The following LGALSL variants were observed in gnomAD, a reference collection of about 807,000 sequenced individuals.
The protein encoded by LGALSL is galectin like, also known as galectin-related protein.
A neutral mutation model predicts 19.5 loss-of-function variants in LGALSL; 13 were observed. The observed-to-expected ratio is 0.67, with a 90% confidence interval of 0.43 to 1.06. The LOEUF (loss-of-function observed/expected upper bound fraction) is 1.06, where lower values mean the gene tolerates loss of function less well. LGALSL is among the 50% of genes least tolerant of loss of function. The pLI is 0.00. For missense variants in LGALSL, 189 were observed against 219.3 expected (o/e 0.86, Z 0.87); for synonymous variants, 86 against 78.3 (o/e 1.10, Z -0.52).
rs1686778595 is a variant in LGALSL at position 64,459,025 on chromosome 2, T to C, written c.*597T>C. 6.6e-6 allele frequency: 1 copy of C among 152,226 alleles called. No individual in the cohort carries two copies. The highest frequency in any genetic ancestry group is 2.1e-4 in the South Asian group (1 of 4,834). 9.4% of individuals were successfully genotyped at this position (152,226 alleles called of 1,614,324 possible). On this transcript the variant is annotated 3_prime_UTR_variant, in exon 5 of 5. Transcript: ENST00000238875. ...CTCAAGAACAGCAAGTTGTAAACTT[T>C]TGAATGTATAAATATCTTAGGTCCA...
intron 3 of LGALSL, 45 bp from the exon 4 acceptor site, chr2:64,456,243 G>A (rs991375087): frequency 4.5e-6 from 7 of 1,560,814 alleles, no homozygotes; most frequent in Non-Finnish European, 6.1e-6. Context: ...ATTTTGAAAT[G>A]TTTTTATATC....
chr2:64,458,776 T>C lies in LGALSL; in HGVS notation c.*348T>C, dbSNP rs1686774813. On this transcript the variant is annotated 3_prime_UTR_variant, in exon 5 of 5. Coordinates refer to ENST00000238875, the MANE Select transcript of LGALSL (RefSeq NM_014181.3). ...TAAAAAGCCAACAACAACGGTACAG[T>C]GAAATCAATGCATTTCTGCACTAAA... is the stretch of plus-strand genomic sequence containing the variant. The C allele has an allele frequency of 5.5e-6, 1 of 182,964 alleles. No homozygotes were observed. Among genetic ancestry groups the C allele is most frequent in the South Asian group, 1.8e-4 (1 of 5,702 alleles). 11.3% of individuals were successfully genotyped at this position (182,964 alleles called of 1,614,324 possible).
Position 64,458,280 on chromosome 2 carries a change from T to TC in LGALSL, c.376-3dup. The TC allele has an allele frequency of 6.2e-7, 1 of 1,613,304 alleles. No homozygotes were observed. Among genetic ancestry groups the TC allele is most frequent in the South Asian group, 1.1e-5 (1 of 90,878 alleles). The stretch of plus-strand genomic sequence containing the variant: ...AATTGTGGATTATTATTTTGTTTCT[T>TC]CCAGGTGGAAATTCTTTGTGAGCAC... On this transcript the variant is annotated splice_region_variant and splice_polypyrimidine_tract_variant and intron_variant, in intron 4 of 4. Coordinates refer to ENST00000238875, the MANE Select transcript of LGALSL (RefSeq NM_014181.3).
rs950053675 is a variant in LGALSL, at chr2:64,459,244, G to A, written c.*816G>A. On this transcript the variant is annotated 3_prime_UTR_variant, in exon 5 of 5. Coordinates refer to ENST00000238875, the MANE Select transcript of LGALSL (RefSeq NM_014181.3). ...GGTTATGTAAAATTCTATTTACATTGCTTTTTCTCCTTACTGGGAATTAGC... is the reference window on the plus strand; with the variant it reads ...GGTTATGTAAAATTCTATTTACATTACTTTTTCTCCTTACTGGGAATTAGC... 6.6e-6 allele frequency: 1 copy of A among 152,080 alleles called. No individual in the cohort carries two copies. Among genetic ancestry groups the A allele is most frequent in the African/African-American group, 2.4e-5 (1 of 41,408 alleles). 9.4% of individuals were successfully genotyped at this position (152,080 alleles called of 1,614,324 possible). A position where few individuals can be genotyped will look rare whatever the true frequency, so the allele number is the denominator to read the frequency against.
intron 1 of LGALSL, 21 bp from the exon 2 acceptor site, chr2:64,455,323 T>C (rs774589110): frequency 1.3e-6 from 2 of 1,577,626 alleles, no homozygotes; most frequent in East Asian, 2.2e-5. Context: ...GGAAAGCCAA[T>C]CTGTGTACTT....
chr2:64,455,253 C>T (rs886291089), intron 1 of LGALSL, 91 bp from the exon 2 acceptor site: 12 of 839,856 alleles, frequency 1.4e-5, no homozygotes, highest in Non-Finnish European at 2.3e-5. Context: ...ATGTGGAAGG[C>T]TGCTGGATTC....
At position 64,460,278 on chromosome 2, in the gene LGALSL, C is replaced by T. The variant is rs1328312594; in HGVS notation, c.*1850C>T. 1 of 152,216 alleles carries T rather than the reference C, an allele frequency of 6.6e-6. No homozygotes were observed. The highest frequency in any genetic ancestry group is 2.1e-4 in the South Asian group (1 of 4,834). The allele number at this position is 152,216 out of a possible 1,614,324, so 9.4% of individuals were successfully genotyped here. A position where few individuals can be genotyped will look rare whatever the true frequency, so the allele number is the denominator to read the frequency against. On this transcript the variant is annotated 3_prime_UTR_variant, in exon 5 of 5. Coordinates refer to ENST00000238875, the MANE Select transcript of LGALSL (RefSeq NM_014181.3). ...ACCAGCCAACTTATTTAACCATATT[C>T]AGCCTGTTCCGTGGGGGCTGTTCTG...
At position 64,454,766 on chromosome 2, in the gene LGALSL, C is replaced by T. The variant is rs1162075591; in HGVS notation, c.36+185C>T. On this transcript the variant is annotated intron_variant, in intron 1 of 4. Transcript: ENST00000238875. This position sits in a 1 kb window ranked among gnomAD's most constrained non-coding sequence, Gnocchi z 5.1. Reference sequence around the variant, plus strand: ...CGGCCGGTGTTAGGGGCTGGAGAGGCTCCCGGGCTGCGGGGCTCTGGGCTG... The same window carrying T: ...CGGCCGGTGTTAGGGGCTGGAGAGGTTCCCGGGCTGCGGGGCTCTGGGCTG... 6.6e-6 allele frequency among the ~76,000 whole-genome samples: 1 copy of T among 152,076 alleles called. No homozygotes were observed. The highest frequency in any genetic ancestry group is 1.5e-5 in the Non-Finnish European group (1 of 67,974).
intron 4 of LGALSL, among the ~76,000 whole-genome samples, chr2:64,457,431 A>AT (rs1558566134): frequency 1.3e-5 from 2 of 151,956 alleles, no homozygotes; most frequent in African/African-American, 4.8e-5. Context: ...CAAAAAAAAA[A>AT]AAAATAAAGG....
At chr2:64,458,217 A>G in intron 4 of LGALSL, 68 bp from the exon 5 acceptor site, 1 of 1,428,106 alleles carries the variant, frequency 7.0e-7, no homozygotes, top group African/African-American at 1.4e-5. Context: ...TTTCTCTAAA[A>G]TGAAGTATTG....
rs1002466240 is a variant in LGALSL at position 64,454,387 on chromosome 2, C to T, written c.-159C>T. 21 of 385,674 alleles carry T rather than the reference C, an allele frequency of 5.4e-5. No individual in the cohort carries two copies. Among genetic ancestry groups the T allele is most frequent in the African/African-American group, 3.8e-4 (18 of 47,396 alleles). The allele number at this position is 385,674 out of a possible 1,614,324, so 23.9% of individuals were successfully genotyped here. ...TCCTCCCAGGCTCTGCCTGCCAGGTCGGCGCCGGGCCCCGGGCGCGCGCGC... is the reference window on the plus strand; with the variant it reads ...TCCTCCCAGGCTCTGCCTGCCAGGTTGGCGCCGGGCCCCGGGCGCGCGCGC... On this transcript the variant is annotated 5_prime_UTR_variant, in exon 1 of 5. Transcript: ENST00000238875. The surrounding 1 kb of genome is among the most constrained non-coding windows in gnomAD (Gnocchi z 5.1).
In LGALSL at chr2:64,458,267, T is replaced by C; in HGVS notation, c.376-18T>C. 1 of 1,611,792 alleles carries C rather than the reference T, an allele frequency of 6.2e-7. No homozygotes were observed. Among genetic ancestry groups the C allele is most frequent in the Non-Finnish European group, 8.5e-7 (1 of 1,178,500 alleles). On this transcript the variant is annotated intron_variant, in intron 4 of 4. Coordinates refer to ENST00000238875, the MANE Select transcript of LGALSL (RefSeq NM_014181.3). ...TAGCGTTCATTGAAATTGTGGATTA[T>C]TATTTTGTTTCTTCCAGGTGGAAAT...
At position 64,454,673 on chromosome 2, in the gene LGALSL, C is replaced by T; in HGVS notation, c.36+92C>T. Reference sequence around the variant, plus strand: ...CAGCAGTGCTGGGGTGCTGAGCAGCCGCAGGCCCGGCCGGCGCCCGGCGCG... The same window carrying T: ...CAGCAGTGCTGGGGTGCTGAGCAGCTGCAGGCCCGGCCGGCGCCCGGCGCG... On this transcript the variant is annotated intron_variant, in intron 1 of 4. Transcript: ENST00000238875. The surrounding 1 kb of genome is among the most constrained non-coding windows in gnomAD (Gnocchi z 5.1). 1 of 964,958 alleles carries T rather than the reference C, an allele frequency of 1.0e-6. No homozygotes were observed. Among genetic ancestry groups the T allele is most frequent in the South Asian group, 4.7e-5 (1 of 21,484 alleles). The allele number at this position is 964,958 out of a possible 1,614,324, so 59.8% of individuals were successfully genotyped here. A position where few individuals can be genotyped will look rare whatever the true frequency, so the allele number is the denominator to read the frequency against.
rs559255881 is a variant in LGALSL, at chr2:64,458,205, T to C, written c.376-80T>C. 1.4e-5 allele frequency: 19 copies of C among 1,353,468 alleles called. No individual in the cohort carries two copies. The South Asian group carries it at 2.3e-4, about 16-fold the overall frequency. The allele number at this position is 1,353,468 out of a possible 1,614,324, so 83.8% of individuals were successfully genotyped here. On this transcript the variant is annotated intron_variant, in intron 4 of 4. Coordinates refer to ENST00000238875, the MANE Select transcript of LGALSL (RefSeq NM_014181.3). ...TGTGAACCACTGAAGATACTGCCTT[T>C]CTTTCTCTAAAATGAAGTATTGTTT...
chr2:64,455,761 C>A, intron 3 of LGALSL, 84 bp downstream of exon 3: 1 of 980,592 alleles, frequency 1.0e-6, no homozygotes, highest in Non-Finnish European at 1.6e-6. Context: ...CACTCCTCTT[C>A]CTCTCCTTGT....
In LGALSL at chr2:64,454,529, C is replaced by A; in HGVS notation, c.-17C>A. 1 of 1,417,170 alleles carries A rather than the reference C, an allele frequency of 7.1e-7. No homozygotes were observed. Among genetic ancestry groups the A allele is most frequent in the African/African-American group, 1.5e-5 (1 of 67,458 alleles). 87.8% of individuals were successfully genotyped at this position (1,417,170 alleles called of 1,614,324 possible). A position where few individuals can be genotyped will look rare whatever the true frequency, so the allele number is the denominator to read the frequency against. Reference sequence around the variant, plus strand: ...CGCGCGCCGCGTCCCACGTACCCCGCCGCGCCGGGCAAGAAGATGGCGGGA... The same window carrying A: ...CGCGCGCCGCGTCCCACGTACCCCGACGCGCCGGGCAAGAAGATGGCGGGA... On this transcript the variant is annotated 5_prime_UTR_variant, in exon 1 of 5. Transcript: ENST00000238875. The surrounding 1 kb of genome is among the most constrained non-coding windows in gnomAD (Gnocchi z 5.1).
chr2:64,458,236 C>T, intron 4 of LGALSL, 49 bp from the exon 5 acceptor site: 1 of 1,563,156 alleles, frequency 6.4e-7, no homozygotes, highest in Non-Finnish European at 8.8e-7. Flanking sequence ...TGTTTGTTTT[C>T]CCCAGTAGCG....
rs1686780007 is a variant in LGALSL at position 64,459,130 on chromosome 2, C to T, written c.*702C>T. On this transcript the variant is annotated 3_prime_UTR_variant, in exon 5 of 5. Transcript: ENST00000238875. ...AATTGAGATTCTCCATACCCCTAAA[C>T]TTAGGATCTCTTGATATAAACTGCT... is the stretch of plus-strand genomic sequence containing the variant. 6.6e-6 allele frequency: 1 copy of T among 152,166 alleles called. No individual in the cohort carries two copies. The highest frequency in any genetic ancestry group is 2.4e-5 in the African/African-American group (1 of 41,444). 9.4% of individuals were successfully genotyped at this position (152,166 alleles called of 1,614,324 possible). A position where few individuals can be genotyped will look rare whatever the true frequency, so the allele number is the denominator to read the frequency against.
At position 64,454,321 on chromosome 2, in the gene LGALSL, ACCTTCG is replaced by A. The variant is rs1189202250; in HGVS notation, c.-222_-217del. The stretch of plus-strand genomic sequence containing the variant: ...GGGGCCGTTCTGGGCCGCGGCAAGC[ACCTTCG>A]CCCTCCCAGCTCGCGCTGCCTCCCT... On this transcript the variant is annotated 5_prime_UTR_variant, in exon 1 of 5. Coordinates refer to ENST00000238875, the MANE Select transcript of LGALSL (RefSeq NM_014181.3). The surrounding 1 kb of genome is among the most constrained non-coding windows in gnomAD (Gnocchi z 5.1). 5.1e-6 allele frequency: 2 copies of A among 393,096 alleles called. No homozygotes were observed. The highest frequency in any genetic ancestry group is 4.5e-5 in the Admixed American group (1 of 22,468). 24.4% of individuals were successfully genotyped at this position (393,096 alleles called of 1,614,324 possible).
Sources: gnomAD v4.1 joint callset for allele counts (sites outside exome capture counted in the v4.1 genomes callset) on GRCh38, gnomAD v4.1.1 for gene constraint, Gnocchi (gnomAD v3.1) non-coding constraint, MANE v1.5 for transcripts, NCBI Gene and HGNC (gene_info 2026-07-23, HGNC 2026-07-21) for gene names.